The following FLT3 variants were observed in gnomAD, a reference collection of about 807,000 sequenced individuals.
The protein encoded by FLT3 is fms related receptor tyrosine kinase 3.
Under a neutral mutation model 126.6 loss-of-function variants are expected in FLT3, and 46 were observed. The observed-to-expected ratio is 0.36, with a 90% CI of 0.29 to 0.46. The LOEUF (loss-of-function observed/expected upper bound fraction) is 0.46, where lower values mean the gene tolerates loss of function less well. Among genes scored for constraint, FLT3 ranks in the 20% least tolerant of loss-of-function variants. The pLI is 1.00. For synonymous variants in FLT3, 404 were observed against 434.4 expected (o/e 0.93, Z 0.87); for missense variants, 1,069 against 1,190.3 (o/e 0.90, Z 1.50).
At chr13:28,046,254 T>C (rs1874865446) in intron 9 of FLT3, among the ~76,000 whole-genome samples, 1 of 152,178 alleles carries the variant, frequency 6.6e-6, no homozygotes, top group African/African-American at 2.4e-5. Context: ...TAAGAGACAG[T>C]AGACAACTCC....
rs1014342029 is a variant in FLT3 at position 28,020,206 on chromosome 13, C to T, written c.2419-1617G>A. Among the ~76,000 whole-genome samples, 15 of 152,252 alleles carry T rather than the reference C, an allele frequency of 9.9e-5. No individual in the cohort carries two copies. The South Asian group carries it at 2.7e-3, about 27-fold the overall frequency. On this transcript the variant is annotated intron_variant, in intron 19 of 23. Transcript: ENST00000241453. Reference sequence around the variant, plus strand: ...TCCATTAGTCCAAGCATGAAGCACGCACTCCCTCAGAAAGCCTCTTCCACT... The same window carrying T: ...TCCATTAGTCCAAGCATGAAGCACGTACTCCCTCAGAAAGCCTCTTCCACT...
At chr13:28,069,860 T>C (rs1013051965) in intron 2 of FLT3, among the ~76,000 whole-genome samples, 4 of 152,158 alleles carry the variant, frequency 2.6e-5, no homozygotes, top group Admixed American at 1.3e-4. Context: ...AGGACTGTAA[T>C]CCCAGCACTT....
chr13:28,033,480 A>G (rs934179517), intron 15 of FLT3, among the ~76,000 whole-genome samples: 1 of 152,098 alleles, frequency 6.6e-6, no homozygotes, highest in Non-Finnish European at 1.5e-5. Context: ...CCTAGGCAAC[A>G]TGGTGAAACC....
chr13:28,072,973 CCA>C (rs1877652736), intron 1 of FLT3, among the ~76,000 whole-genome samples: 1 of 151,910 alleles, frequency 6.6e-6, no homozygotes, highest in Non-Finnish European at 1.5e-5. Context: ...CCACTGCACT[CCA>C]GCCTGGGCGA....
chr13:28,010,822 C>A (rs955311720), intron 23 of FLT3, among the ~76,000 whole-genome samples: 3 of 152,076 alleles, frequency 2.0e-5, no homozygotes, highest in African/African-American at 7.2e-5. Flanking sequence ...GCCTGGCCAA[C>A]ATGGTAAAAC....
chr13:28,012,240 A>C (rs1373210964), intron 23 of FLT3, among the ~76,000 whole-genome samples: 1 of 152,186 alleles, frequency 6.6e-6, no homozygotes, highest in Non-Finnish European at 1.5e-5. Context: ...GGATTCTCTC[A>C]GCTGATTAAT....
chr13:28,041,639 C>T (rs1437571617), intron 9 of FLT3, among the ~76,000 whole-genome samples: 2 of 152,172 alleles, frequency 1.3e-5, no homozygotes, highest in Admixed American at 6.5e-5. Flanking sequence ...ACAGTTAACC[C>T]TGGAAACAAT....
intron 2 of FLT3, among the ~76,000 whole-genome samples, chr13:28,069,316 G>C (rs1445915782): frequency 6.6e-6 from 1 of 152,100 alleles, no homozygotes; most frequent in Non-Finnish European, 1.5e-5. Context: ...GACAACACTT[G>C]GTAACTGACC....
Position 28,061,967 on chromosome 13 carries a change from T to C in FLT3, c.268A>G (p.Thr90Ala), listed in dbSNP as rs927437720. 22 of 1,613,552 alleles carry C rather than the reference T, an allele frequency of 1.4e-5. No individual in the cohort carries two copies. Among genetic ancestry groups the C allele is most frequent in the Middle Eastern group, 1.7e-4 (1 of 5,952 alleles). ...AVEVDVSASI[T>A]LQVLVDAPGN... The stretch of plus-strand genomic sequence containing the variant: ...GGGGCGTCGACCAGCACTTGCAGTG[T>C]GATGGAAGCAGATACATCCACTTCC... Residue 90 changes from threonine (T) to alanine (A), a missense_variant, in exon 3 of 24, where the codon ACA becomes GCA. Transcript: ENST00000241453.
At chr13:28,010,570 T>C (rs7991531) in intron 23 of FLT3, among the ~76,000 whole-genome samples, 5,343 of 152,340 alleles carry the variant, frequency 0.035, 310 homozygotes, top group African/African-American at 0.12. Flanking sequence ...CAGGTAATCA[T>C]GTAATCAGTG....
intron 23 of FLT3, 109 bp from the exon 24 acceptor site, chr13:28,004,283 A>G: frequency 7.6e-6 from 9 of 1,184,320 alleles, no homozygotes; most frequent in Non-Finnish European, 1.1e-5. Context: ...TATATAGACA[A>G]TTACTTTTTT....
At chr13:28,010,136 T>C (rs1319979515) in intron 23 of FLT3, among the ~76,000 whole-genome samples, 1 of 152,198 alleles carries the variant, frequency 6.6e-6, no homozygotes, top group African/African-American at 2.4e-5. Flanking sequence ...CAGAAATGTT[T>C]GCTGAGCGCC....
intron 5 of FLT3, among the ~76,000 whole-genome samples, chr13:28,051,263 G>A (rs569462065): frequency 1.4e-4 from 22 of 152,014 alleles, no homozygotes; most frequent in Middle Eastern, 3.4e-3. Flanking sequence ...TTTAGATGGA[G>A]TCTCACTCTG....
intron 19 of FLT3, among the ~76,000 whole-genome samples, chr13:28,020,859 G>A (rs2491242): frequency 0.47 from 71,472 of 151,486 alleles, 18,300 homozygotes; most frequent in East Asian, 0.68. Context: ...GGGAGGGGGT[G>A]AGAGACAAGA....
At chr13:28,016,780 G>C (rs1298425691) in intron 20 of FLT3, among the ~76,000 whole-genome samples, 2 of 152,210 alleles carry the variant, frequency 1.3e-5, no homozygotes, top group Non-Finnish European at 2.9e-5. Flanking sequence ...CAACCAGCTG[G>C]TGGGGTAGAA....
chr13:28,044,067 C>T (rs1874637811), intron 9 of FLT3, among the ~76,000 whole-genome samples: 1 of 150,776 alleles, frequency 6.6e-6, no homozygotes, highest in Non-Finnish European at 1.5e-5. Flanking sequence ...TAATCACCTC[C>T]GCCAGGAGGA....
chr13:28,084,973 TAAAAA>T (rs59333724), intron 1 of FLT3, among the ~76,000 whole-genome samples: 10 of 133,260 alleles, frequency 7.5e-5, no homozygotes, highest in Non-Finnish European at 1.1e-4. Flanking sequence ...AGCCTTCCTC[TAAAAA>T]AAAAAAAAAA....
At chr13:28,054,629 A>C (rs982409487) in intron 4 of FLT3, among the ~76,000 whole-genome samples, 3 of 152,186 alleles carry the variant, frequency 2.0e-5, no homozygotes, top group Non-Finnish European at 4.4e-5. Context: ...ACTTAGCTTA[A>C]TCAATGAGGA....
intron 1 of FLT3, among the ~76,000 whole-genome samples, chr13:28,075,942 T>G (rs1378741577): frequency 6.6e-6 from 1 of 151,692 alleles, no homozygotes; most frequent in Non-Finnish European, 1.5e-5. Context: ...ATTACAGGCA[T>G]GCACCACCAC....
Sources: allele counts gnomAD v4.1 joint callset (sites outside exome capture counted in the v4.1 genomes callset), GRCh38; gene constraint gnomAD v4.1.1; transcripts MANE v1.5; gene names NCBI Gene and HGNC (gene_info 2026-07-23, HGNC 2026-07-21).